The following ALDH7A1 variants were observed in gnomAD, a reference collection of about 807,000 sequenced individuals.
ALDH7A1 encodes alpha-aminoadipic semialdehyde dehydrogenase.
In ALDH7A1, 63 loss-of-function variants were observed where a neutral mutation model predicts 79.9. That is an observed-to-expected ratio of 0.79 (90% confidence interval 0.64 to 0.97). The LOEUF is 0.97. Among genes scored for constraint, ALDH7A1 ranks in the 50% least tolerant of loss-of-function variants. The pLI, the probability that ALDH7A1 is intolerant of heterozygous loss-of-function variation, is 0.00. For synonymous variants in ALDH7A1, 240 were observed against 231.2 expected, an observed-to-expected ratio of 1.04 and a Z score of -0.34; for missense variants, 627 against 665.2, an observed-to-expected ratio of 0.94 and a Z score of 0.63.
At chr5:126,593,949 T>A in intron 1 of ALDH7A1, 1 of 272,538 alleles carries the variant, frequency 3.7e-6, no homozygotes, top group Middle Eastern at 1.5e-3. Context: ...AAATTATCTG[T>A]ATCTCCTACA....
At chr5:126,572,124 AT>A (rs1750799174) in intron 7 of ALDH7A1, among the ~76,000 whole-genome samples, 1 of 152,186 alleles carries the variant, frequency 6.6e-6, no homozygotes, top group African/African-American at 2.4e-5. Flanking sequence ...AGCAAAGGTT[AT>A]TTTCATCAAT....
chr5:126,577,251 A>G, intron 5 of ALDH7A1, 40 bp from the exon 6 acceptor site: 1 of 1,611,714 alleles, frequency 6.2e-7, no homozygotes. Context: ...GAAGCATGTT[A>G]ATTTAATGCC....
At chr5:126,548,642 G>A (rs1269013063) in intron 16 of ALDH7A1, among the ~76,000 whole-genome samples, 1 of 151,948 alleles carries the variant, frequency 6.6e-6, no homozygotes, top group Non-Finnish European at 1.5e-5. Flanking sequence ...GCCCAGGCTG[G>A]TCTTGAACTC....
At position 126,595,016 on chromosome 5, in the gene ALDH7A1, G is replaced by T. The variant is rs374526203; in HGVS notation, c.183C>A (p.Gly61=). The T allele has an allele frequency of 3.1e-5, 49 of 1,602,730 alleles. No individual in the cohort carries two copies. The highest frequency in any genetic ancestry group is 4.2e-5 in the Non-Finnish European group (49 of 1,175,690). Residue 61 remains glycine (G), a synonymous_variant, in exon 1 of 18, where the codon GGC becomes GGA. Coordinates refer to ENST00000409134, the MANE Select transcript of ALDH7A1 (RefSeq NM_001182.5). ...NEGVYNGSWG[G]RGEVITTYCP... ...TTGAGCGCCCGCGTACCTCTCCCCG[G>T]CCTCCCCAGCTTCCATTATACACGC... is the stretch of plus-strand genomic sequence containing the variant.
intron 9 of ALDH7A1, among the ~76,000 whole-genome samples, chr5:126,565,260 G>A (rs1300582364): frequency 1.3e-5 from 2 of 151,952 alleles, no homozygotes; most frequent in Non-Finnish European, 2.9e-5. Flanking sequence ...GGACATGGTG[G>A]CGCATGCCTG....
chr5:126,547,230 A>G (rs940355632), intron 16 of ALDH7A1, among the ~76,000 whole-genome samples: 1 of 152,234 alleles, frequency 6.6e-6, no homozygotes, highest in African/African-American at 2.4e-5. Context: ...CCCAGTGCTC[A>G]TTCTACAAGA....
chr5:126,547,610 C>T (rs574571121), intron 16 of ALDH7A1, among the ~76,000 whole-genome samples: 1 of 152,276 alleles, frequency 6.6e-6, no homozygotes, highest in African/African-American at 2.4e-5. Flanking sequence ...CTAGTTGACT[C>T]CCATGTGTCC....
At chr5:126,593,779 A>G (rs1751641053) in intron 1 of ALDH7A1, 2 of 338,924 alleles carry the variant, frequency 5.9e-6, no homozygotes, top group African/African-American at 4.2e-5. Context: ...TGGCCAAGGC[A>G]GGAAAACTGT....
intron 7 of ALDH7A1, among the ~76,000 whole-genome samples, chr5:126,573,227 T>C (rs1379496267): frequency 1.3e-5 from 2 of 152,020 alleles, no homozygotes; most frequent in African/African-American, 2.4e-5. Flanking sequence ...ACATTAATTA[T>C]TCTGCTGGGT....
At chr5:126,563,787 G>A (rs575160743) in intron 9 of ALDH7A1, among the ~76,000 whole-genome samples, 3 of 151,812 alleles carry the variant, frequency 2.0e-5, no homozygotes, top group South Asian at 2.1e-4. Flanking sequence ...CATCGCAACC[G>A]GCCCACCATT....
chr5:126,568,158 G>GC, intron 9 of ALDH7A1, 101 bp downstream of exon 9: 1 of 1,065,084 alleles, frequency 9.4e-7, no homozygotes, highest in South Asian at 1.3e-5. Context: ...CATGACCACT[G>GC]CCTCCATGGA....
At position 126,576,752 on chromosome 5, in the gene ALDH7A1, C is replaced by T. The variant is rs183879568; in HGVS notation, c.650+327G>A. On this transcript the variant is annotated intron_variant, in intron 6 of 17. Coordinates refer to ENST00000409134, the MANE Select transcript of ALDH7A1 (RefSeq NM_001182.5). ...ACCAGCCTGGCCAACATCGTGAAAC[C>T]CCATCTCTACTAAAAATACAAAAAA... Among the ~76,000 whole-genome samples the T allele has an allele frequency of 8.0e-4, 121 of 152,098 alleles. 1 individual carries two copies. Among genetic ancestry groups the T allele is most frequent in the Admixed American group, 5.6e-3 (86 of 15,240 alleles).
At chr5:126,582,390 A>G (rs987041357) in intron 5 of ALDH7A1, among the ~76,000 whole-genome samples, 30 of 152,330 alleles carry the variant, frequency 2.0e-4, no homozygotes, top group African/African-American at 6.7e-4. Context: ...CTTCACAAAC[A>G]TTATTTTTAG....
rs758236544 is a variant in ALDH7A1, at chr5:126,577,108, G to A, written c.621C>T (p.Ile207=). 3.2e-5 allele frequency: 51 copies of A among 1,614,152 alleles called. No individual in the cohort carries two copies. Among genetic ancestry groups the A allele is most frequent in the Middle Eastern group, 1.7e-4 (1 of 6,054 alleles). The change falls in exon 6 of 18, where the codon ATC becomes ATT. Residue 207 remains isoleucine, a synonymous_variant. Coordinates refer to ENST00000409134, the MANE Select transcript of ALDH7A1 (RefSeq NM_001182.5). ...PVAVYGWNNA[I]AMICGNVCLW... is the part of the protein sequence containing the mutation. ...GGCAGACATTTCCACAGATCATGGC[G>A]ATGGCGTTGTTCCAACCATACACTG...
At chr5:126,575,296 G>T (rs1750926430) in intron 7 of ALDH7A1, 124 bp downstream of exon 7, 2 of 830,220 alleles carry the variant, frequency 2.4e-6, no homozygotes, top group East Asian at 2.7e-5. Context: ...TACAAGCAAA[G>T]GAGAAAGAGG....
intron 3 of ALDH7A1, chr5:126,587,671 AATGAACTAC>A (rs1432038760): frequency 6.6e-6 from 1 of 152,390 alleles, no homozygotes; most frequent in Non-Finnish European, 1.5e-5. Flanking sequence ...AATTAACTCA[AATGAACTAC>A]ATGAAACAGT....
chr5:126,592,426 T>C (rs1751582554), intron 3 of ALDH7A1: 4 of 563,816 alleles, frequency 7.1e-6, no homozygotes, highest in Non-Finnish European at 1.3e-5. Context: ...CAGCACAAAG[T>C]TTTAATTCAT....
At chr5:126,559,213 C>A in intron 11 of ALDH7A1, 27 bp downstream of exon 11, 1 of 1,591,634 alleles carries the variant, frequency 6.3e-7, no homozygotes, top group South Asian at 1.1e-5. Context: ...AAGAGCAAGA[C>A]AATCGGGCCT....
In ALDH7A1 at chr5:126,542,703, G is replaced by C. The variant is rs1344639247; in HGVS notation, c.*2262C>G. ...TGGTTGCAGAGCAAGAGAGAGAGGAGGCTTAACAGATTCCCACCCTGAAAG... is the reference window on the plus strand; with the variant it reads ...TGGTTGCAGAGCAAGAGAGAGAGGACGCTTAACAGATTCCCACCCTGAAAG... On this transcript the variant is annotated 3_prime_UTR_variant, in exon 18 of 18. Coordinates refer to ENST00000409134, the MANE Select transcript of ALDH7A1 (RefSeq NM_001182.5). 6.6e-6 allele frequency: 1 copy of C among 152,104 alleles called. No individual in the cohort carries two copies. The highest frequency in any genetic ancestry group is 1.5e-5 in the Non-Finnish European group (1 of 68,094). 9.4% of individuals were successfully genotyped at this position (152,104 alleles called of 1,614,324 possible).
Sources: gnomAD v4.1 joint callset for allele counts (sites outside exome capture counted in the v4.1 genomes callset) on GRCh38, gnomAD v4.1.1 for gene constraint, MANE v1.5 for transcripts, NCBI Gene and HGNC (gene_info 2026-07-23, HGNC 2026-07-21) for gene names.